The following CNTNAP5 variants were observed in gnomAD, a reference collection of about 807,000 sequenced individuals.
CNTNAP5 encodes the protein contactin-associated protein-like 5.
In CNTNAP5, 72 loss-of-function variants were observed where a neutral mutation model predicts 150.2. That is an observed-to-expected ratio of 0.48 (90% CI 0.40 to 0.58). CNTNAP5 has a LOEUF of 0.58. Among genes scored for constraint, CNTNAP5 ranks in the 20% least tolerant of loss-of-function variants. CNTNAP5 has a pLI of 0.00. For synonymous variants in CNTNAP5, 672 were observed against 619.8 expected (o/e 1.08, Z -1.25); for missense variants, 1,636 against 1,626.2 (o/e 1.01, Z -0.10).
chr2:124,264,380 A>ACAGG (rs1301038178), intron 3 of CNTNAP5, among the ~76,000 whole-genome samples: 30 of 16,514 alleles, frequency 1.8e-3, no homozygotes, highest in African/African-American at 0.01. Context: ...ACAGGCACAC[A>ACAGG]CACACACATA....
intron 2 of CNTNAP5, among the ~76,000 whole-genome samples, chr2:124,237,849 A>T (rs1573858346): frequency 6.6e-6 from 1 of 152,146 alleles, no homozygotes; most frequent in Admixed American, 6.6e-5. Flanking sequence ...AAGAAAAAAC[A>T]ACAACAGCAA....
intron 4 of CNTNAP5, among the ~76,000 whole-genome samples, chr2:124,424,140 A>G (rs1242942862): frequency 6.6e-6 from 1 of 151,830 alleles, no homozygotes; most frequent in East Asian, 1.9e-4. Context: ...AAAATTCATC[A>G]CTCTCAGAGC....
chr2:124,598,456 GGGGGTCA>G (rs1696886096), intron 11 of CNTNAP5, among the ~76,000 whole-genome samples: 1 of 142,786 alleles, frequency 7.0e-6, no homozygotes, highest in Non-Finnish European at 1.5e-5. Context: ...TAGGCTGCTC[GGGGGTCA>G]GGGGTCAGGG....
chr2:124,872,838 T>C (rs978636336), intron 21 of CNTNAP5, among the ~76,000 whole-genome samples: 1 of 152,046 alleles, frequency 6.6e-6, no homozygotes, highest in Non-Finnish European at 1.5e-5. Context: ...TACCACTGTG[T>C]ATAGCATTCA....
chr2:124,242,481 T>C, intron 3 of CNTNAP5, 88 bp downstream of exon 3: 1 of 1,286,682 alleles, frequency 7.8e-7, no homozygotes, highest in Admixed American at 2.2e-5. Context: ...AATATCCAGA[T>C]TGTTGGTAGT....
chr2:124,354,722 C>G (rs566654629), intron 3 of CNTNAP5, among the ~76,000 whole-genome samples: 1 of 152,310 alleles, frequency 6.6e-6, no homozygotes, highest in African/African-American at 2.4e-5. Flanking sequence ...CTTGCTTATT[C>G]TGAGTATTGT....
At position 124,830,354 on chromosome 2, in the gene CNTNAP5, G is replaced by A. The variant is rs149930066; in HGVS notation, c.3217+32034G>A. 5.4e-3 allele frequency among the ~76,000 whole-genome samples: 816 copies of A among 152,092 alleles called. 13 individuals carry two copies. The highest frequency in any genetic ancestry group is 0.018 in the African/African-American group (757 of 41,538). On this transcript the variant is annotated intron_variant, in intron 19 of 23. Transcript: ENST00000682447. ...CCTAGTTAATCAAAAACTGAATAAA[G>A]ACAACACAGGAATTATCTTAATAGA...
chr2:124,054,883 A>C (rs1161965305), intron 1 of CNTNAP5, among the ~76,000 whole-genome samples: 1 of 152,184 alleles, frequency 6.6e-6, no homozygotes, highest in Non-Finnish European at 1.5e-5. Flanking sequence ...TAGCAGGGCA[A>C]AAAGAGAAGC....
At chr2:124,798,428 G>A in intron 19 of CNTNAP5, 108 bp downstream of exon 19, 1 of 762,798 alleles carries the variant, frequency 1.3e-6, no homozygotes, top group South Asian at 1.7e-5. Context: ...TCCCATCTGG[G>A]AAGCTTATTT....
At chr2:124,715,517 A>C (rs12476746) in intron 13 of CNTNAP5, among the ~76,000 whole-genome samples, 31,324 of 151,746 alleles carry the variant, frequency 0.21, 3,332 homozygotes, top group East Asian at 0.24. Flanking sequence ...TGGAATTTTT[A>C]TTTTTTTCTT....
intron 1 of CNTNAP5, among the ~76,000 whole-genome samples, chr2:124,095,459 T>C (rs929671750): frequency 2.6e-5 from 4 of 152,066 alleles, no homozygotes; most frequent in African/African-American, 7.2e-5. Flanking sequence ...GATGTATACC[T>C]ATGTAACAAA....
intron 17 of CNTNAP5, 24 bp from the exon 18 acceptor site, chr2:124,789,878 G>T (rs780729176): frequency 1.9e-6 from 3 of 1,610,692 alleles, no homozygotes; most frequent in South Asian, 2.2e-5. Context: ...CCTTACATTT[G>T]TTTCCTTTTA....
chr2:124,512,018 G>T (rs1694603660), intron 8 of CNTNAP5, among the ~76,000 whole-genome samples: 2 of 151,358 alleles, frequency 1.3e-5, no homozygotes, highest in Non-Finnish European at 2.9e-5. Context: ...AAATATATTA[G>T]GTCTTCAACC....
chr2:124,684,782 T>A (rs1396312898), intron 13 of CNTNAP5, among the ~76,000 whole-genome samples: 3 of 152,194 alleles, frequency 2.0e-5, no homozygotes. Flanking sequence ...AGCATGCCAT[T>A]TAATTCTCAC....
intron 3 of CNTNAP5, among the ~76,000 whole-genome samples, chr2:124,388,905 C>T (rs1025435950): frequency 2.0e-5 from 3 of 152,042 alleles, no homozygotes; most frequent in Admixed American, 2.0e-4. Context: ...GCACGGGGTC[C>T]ATTTTTGTGC....
At chr2:124,454,771 A>C (rs1693075395) in intron 6 of CNTNAP5, among the ~76,000 whole-genome samples, 1 of 152,156 alleles carries the variant, frequency 6.6e-6, no homozygotes, top group African/African-American at 2.4e-5. Flanking sequence ...ATGGAAATTA[A>C]ATAACCCACT....
At chr2:124,721,335 A>G (rs1332520391) in intron 13 of CNTNAP5, among the ~76,000 whole-genome samples, 2 of 151,926 alleles carry the variant, frequency 1.3e-5, no homozygotes, top group African/African-American at 4.8e-5. Flanking sequence ...AAAACTAGCC[A>G]GGCGTGGTGG....
At position 124,387,060 on chromosome 2, in the gene CNTNAP5, T is replaced by C. The variant is rs112798501; in HGVS notation, c.382-30383T>C. On this transcript the variant is annotated intron_variant, in intron 3 of 23. Coordinates refer to ENST00000682447, the MANE Select transcript of CNTNAP5 (RefSeq NM_001367498.1). Reference sequence around the variant, plus strand: ...AAAGAACCCCACCATATTGGCACCCTGATCTCAGATTGCCAATGTCCAAAA... The same window carrying C: ...AAAGAACCCCACCATATTGGCACCCCGATCTCAGATTGCCAATGTCCAAAA... 4.8e-3 allele frequency among the ~76,000 whole-genome samples: 731 copies of C among 152,354 alleles called. 5 individuals are homozygous for C. Among genetic ancestry groups the C allele is most frequent in the Middle Eastern group, 0.01 (3 of 294 alleles).
intron 1 of CNTNAP5, among the ~76,000 whole-genome samples, chr2:124,072,681 A>G (rs1395060844): frequency 6.6e-6 from 1 of 151,938 alleles, no homozygotes; most frequent in East Asian, 1.9e-4. Context: ...AATCTCTACA[A>G]TGAATATTAC....
Sources: gnomAD v4.1 joint callset for allele counts (sites outside exome capture counted in the v4.1 genomes callset) on GRCh38, gnomAD v4.1.1 for gene constraint, MANE v1.5 for transcripts, NCBI Gene and HGNC (gene_info 2026-07-23, HGNC 2026-07-21) for gene names.